Variants in PHF2 observed in about 807,000 individuals in gnomAD.
The protein encoded by PHF2 is PHD finger protein 2.
A neutral mutation model predicts 120.5 loss-of-function variants in PHF2; 27 were observed. The observed-to-expected ratio is 0.22, with a 90% CI of 0.17 to 0.31. The LOEUF is 0.31. Among genes scored for constraint, PHF2 ranks in the 10% least tolerant of loss-of-function variants. The pLI, the probability that PHF2 is intolerant of heterozygous loss-of-function variation, is 1.00. For synonymous variants in PHF2, 568 were observed against 592.5 expected (o/e 0.96, Z 0.60); for missense variants, 1,024 against 1,434.8 (o/e 0.71, Z 4.63).
chr9:93,669,628 C>A (rs577713128), intron 17 of PHF2, among the ~76,000 whole-genome samples: 1 of 152,204 alleles, frequency 6.6e-6, no homozygotes, highest in Non-Finnish European at 1.5e-5. Flanking sequence ...GCAGTGAGGG[C>A]GCCTGCCCCG....
chr9:93,606,132 G>C (rs1825538922), intron 1 of PHF2, among the ~76,000 whole-genome samples: 1 of 152,060 alleles, frequency 6.6e-6, no homozygotes, highest in South Asian at 2.1e-4. Context: ...ACCGTGCTCA[G>C]CTAATTTTTG....
intron 9 of PHF2, 148 bp from the exon 10 acceptor site, chr9:93,657,997 A>G: frequency 3.3e-6 from 2 of 607,134 alleles, no homozygotes; most frequent in Non-Finnish European, 5.9e-6. Flanking sequence ...TCCAAGAGGA[A>G]CTGTTGGCAG....
At chr9:93,641,970 G>A in intron 3 of PHF2, among the ~76,000 whole-genome samples, 1 of 152,140 alleles carries the variant, frequency 6.6e-6, no homozygotes. Context: ...ACTATCTGAG[G>A]TAGGAAGAAC....
At chr9:93,638,338 G>A (rs1210554256) in intron 3 of PHF2, among the ~76,000 whole-genome samples, 1 of 152,160 alleles carries the variant, frequency 6.6e-6, no homozygotes, top group Non-Finnish European at 1.5e-5. Flanking sequence ...GCATATCTGA[G>A]AATCCATTGC....
intron 1 of PHF2, among the ~76,000 whole-genome samples, chr9:93,579,457 T>G (rs1374422526): frequency 6.6e-6 from 1 of 152,214 alleles, no homozygotes; most frequent in Non-Finnish European, 1.5e-5. Flanking sequence ...GAGTTAACGC[T>G]GGTGCCGGGC....
At chr9:93,588,726 C>T (rs1366003366) in intron 1 of PHF2, among the ~76,000 whole-genome samples, 2 of 152,170 alleles carry the variant, frequency 1.3e-5, no homozygotes, top group Non-Finnish European at 2.9e-5. Context: ...CCTGTCTGTA[C>T]TAAACATACA....
chr9:93,631,389 C>T (rs949531480), intron 2 of PHF2, among the ~76,000 whole-genome samples: 1 of 152,222 alleles, frequency 6.6e-6, no homozygotes, highest in Non-Finnish European at 1.5e-5. Flanking sequence ...GCTAGCAGCT[C>T]TTCCTGAACT....
intron 1 of PHF2, among the ~76,000 whole-genome samples, chr9:93,579,330 G>C (rs558958236): frequency 1.1e-4 from 17 of 152,004 alleles, no homozygotes; most frequent in African/African-American, 4.1e-4. Context: ...TTTTTATTTT[G>C]AGGGGACTTT....
intron 2 of PHF2, 102 bp downstream of exon 2, chr9:93,630,157 G>C: frequency 8.4e-7 from 1 of 1,189,150 alleles, no homozygotes; most frequent in African/African-American, 1.5e-5. Context: ...CTGGGCCCTG[G>C]GTTGCTGGGG....
At chr9:93,583,670 C>G (rs1428289841) in intron 1 of PHF2, among the ~76,000 whole-genome samples, 1 of 152,112 alleles carries the variant, frequency 6.6e-6, no homozygotes, top group Non-Finnish European at 1.5e-5. Context: ...TGATGTTGAA[C>G]AGCTTTCACA....
At chr9:93,664,088 G>A (rs865919360) in intron 14 of PHF2, among the ~76,000 whole-genome samples, 14 of 152,192 alleles carry the variant, frequency 9.2e-5, no homozygotes, top group Non-Finnish European at 1.9e-4. Context: ...GGGACTCCAT[G>A]AGTGTTAGAT....
chr9:93,656,536 T>C lies in PHF2; in HGVS notation c.1088T>C (p.Phe363Ser). ...TTGAAACTGGGCAGCCTGACTCAGT[T>C]TCCCAACTTTGAAACTGCGTGCTGG... is the stretch of plus-strand genomic sequence containing the variant. ...RRLKLGSLTQ[F>S]PNFETACWYM... The change falls in exon 9 of 22, where the codon TTT becomes TCT. Residue 363 changes from phenylalanine to serine, a missense_variant. Phe to Ser is a radical substitution (Grantham distance 155, BLOSUM62 -2). Coordinates refer to ENST00000359246, the MANE Select transcript of PHF2 (RefSeq NM_005392.4). The surrounding 1 kb of genome is among the most constrained non-coding windows in gnomAD (Gnocchi z 4.1). The C allele has an allele frequency of 6.2e-7, 1 of 1,613,888 alleles. No individual in the cohort carries two copies. The highest frequency in any genetic ancestry group is 8.5e-7 in the Non-Finnish European group (1 of 1,179,958).
chr9:93,653,688 A>G (rs549772134), intron 6 of PHF2, among the ~76,000 whole-genome samples: 6 of 152,334 alleles, frequency 3.9e-5, no homozygotes, highest in South Asian at 2.1e-4. Flanking sequence ...GGGGCCAGCC[A>G]TAGCCAGGGC....
intron 1 of PHF2, among the ~76,000 whole-genome samples, chr9:93,584,490 T>C (rs919806323): frequency 3.9e-5 from 6 of 152,256 alleles, no homozygotes; most frequent in African/African-American, 1.4e-4. Context: ...GCATCATTTG[T>C]TGATGACTAT....
intron 17 of PHF2, chr9:93,672,808 A>T (rs1373990725): frequency 2.0e-6 from 2 of 983,510 alleles, no homozygotes. Flanking sequence ...GTGTAGATGC[A>T]TGTATGGGTG....
At chr9:93,594,577 C>G (rs1330012667) in intron 1 of PHF2, among the ~76,000 whole-genome samples, 1 of 152,234 alleles carries the variant, frequency 6.6e-6, no homozygotes, top group Admixed American at 6.5e-5. Flanking sequence ...CAGAGGACCC[C>G]ACAGGCTGTG....
chr9:93,650,438 ACT>A (rs1030443836), intron 5 of PHF2, among the ~76,000 whole-genome samples: 3 of 152,072 alleles, frequency 2.0e-5, no homozygotes, highest in Non-Finnish European at 4.4e-5. Flanking sequence ...AGACGCCTAC[ACT>A]CACACACATG....
At chr9:93,652,876 C>T (rs763174812) in intron 5 of PHF2, among the ~76,000 whole-genome samples, 4 of 152,216 alleles carry the variant, frequency 2.6e-5, no homozygotes, top group Admixed American at 6.5e-5. Flanking sequence ...TGGAAAGACT[C>T]GCTTTCCAGT....
At chr9:93,610,905 G>A (rs1250885340) in intron 1 of PHF2, among the ~76,000 whole-genome samples, 2 of 152,176 alleles carry the variant, frequency 1.3e-5, no homozygotes, top group African/African-American at 4.8e-5. Flanking sequence ...TTGAAGGATT[G>A]AAAGTGCTGT....
Sources: allele counts gnomAD v4.1 joint callset (sites outside exome capture counted in the v4.1 genomes callset), GRCh38; gene constraint gnomAD v4.1.1; non-coding constraint Gnocchi (gnomAD v3.1); transcripts MANE v1.5; gene names NCBI Gene and HGNC (gene_info 2026-07-23, HGNC 2026-07-21).